Variants in LRBA observed in about 807,000 individuals in gnomAD.
LRBA encodes lipopolysaccharide-responsive and beige-like anchor protein.
Under a neutral mutation model 330.0 loss-of-function variants are expected in LRBA, and 176 were observed. That is an observed-to-expected ratio of 0.53 (90% CI 0.47 to 0.60). LRBA has a LOEUF of 0.60. Ranked by LOEUF, LRBA falls within the 20% of genes least tolerant of loss-of-function variation. The pLI is 0.00. For missense variants in LRBA, 3,259 were observed against 3,444.8 expected, an observed-to-expected ratio of 0.95 and a Z score of 1.35; for synonymous variants, 1,230 against 1,193.0, an observed-to-expected ratio of 1.03 and a Z score of -0.64.
chr4:150,980,981 C>CA (rs1220312189), intron 2 of LRBA, among the ~76,000 whole-genome samples: 4 of 151,596 alleles, frequency 2.6e-5, no homozygotes, highest in Non-Finnish European at 4.4e-5. Context: ...AAGAGGACAC[C>CA]AAAAAATGGA....
intron 36 of LRBA, among the ~76,000 whole-genome samples, chr4:150,705,664 T>G (rs1429611909): frequency 6.6e-6 from 1 of 151,982 alleles, no homozygotes; most frequent in Non-Finnish European, 1.5e-5. Flanking sequence ...TGGCATAATA[T>G]TGACATATGT....
chr4:150,649,960 A>G (rs1779557287), intron 37 of LRBA, among the ~76,000 whole-genome samples: 1 of 152,186 alleles, frequency 6.6e-6, no homozygotes, highest in South Asian at 2.1e-4. Flanking sequence ...CCAATAATAG[A>G]TAAGAGGTTG....
intron 2 of LRBA, among the ~76,000 whole-genome samples, chr4:150,974,409 G>C (rs1023258698): frequency 6.6e-6 from 1 of 152,174 alleles, no homozygotes; most frequent in South Asian, 2.1e-4. Context: ...ACACCATCAA[G>C]AGAAGAACAA....
intron 55 of LRBA, among the ~76,000 whole-genome samples, chr4:150,281,840 T>C (rs1035027126): frequency 6.6e-6 from 1 of 152,142 alleles, no homozygotes; most frequent in South Asian, 2.1e-4. Context: ...ACTTGTGGAG[T>C]CCTGTCCTGG....
At chr4:150,887,514 C>T (rs1456315876) in intron 17 of LRBA, among the ~76,000 whole-genome samples, 1 of 152,078 alleles carries the variant, frequency 6.6e-6, no homozygotes. Context: ...TGGCTCACGT[C>T]TGTAATCCCA....
At chr4:150,386,219 T>A (rs1743031864) in intron 47 of LRBA, among the ~76,000 whole-genome samples, 1 of 152,084 alleles carries the variant, frequency 6.6e-6, no homozygotes, top group Non-Finnish European at 1.5e-5. Flanking sequence ...CTCCGAAATG[T>A]TTAAAATGAA....
At chr4:150,694,479 T>C (rs1784445583) in intron 36 of LRBA, among the ~76,000 whole-genome samples, 1 of 19,962 alleles carries the variant, frequency 5.0e-5, no homozygotes, top group Non-Finnish European at 2.3e-4. Flanking sequence ...AAAAAAAAGC[T>C]ATCTACAGAA....
At chr4:150,339,217 C>A (rs373019130) in intron 48 of LRBA, among the ~76,000 whole-genome samples, 1 of 151,994 alleles carries the variant, frequency 6.6e-6, no homozygotes. Flanking sequence ...GATTAAATAA[C>A]ATATATAGAA....
chr4:150,304,839 G>A (rs1033793256), intron 52 of LRBA, among the ~76,000 whole-genome samples: 1 of 152,148 alleles, frequency 6.6e-6, no homozygotes, highest in Admixed American at 6.5e-5. Flanking sequence ...GCTGAAAGCA[G>A]TCTTATTAAT....
intron 40 of LRBA, among the ~76,000 whole-genome samples, chr4:150,577,094 C>T (rs1024677925): frequency 1.8e-4 from 28 of 151,844 alleles, no homozygotes; most frequent in African/African-American, 6.5e-4. Flanking sequence ...ATAATAATTA[C>T]AAGTAGCTTA....
At chr4:150,458,437 C>A (rs942481645) in intron 44 of LRBA, among the ~76,000 whole-genome samples, 23 of 151,686 alleles carry the variant, frequency 1.5e-4, no homozygotes, top group African/African-American at 5.6e-4. Context: ...GTCAGTGTAC[C>A]CATGAAAAAT....
chr4:150,590,645 A>C (rs985182140), intron 39 of LRBA, 68 bp downstream of exon 39: 1 of 1,457,146 alleles, frequency 6.9e-7, no homozygotes, highest in African/African-American at 1.4e-5. Context: ...TCACAGCTGA[A>C]AAAGTAAGTA....
At chr4:150,664,913 G>C (rs1204862856) in intron 37 of LRBA, among the ~76,000 whole-genome samples, 1 of 152,080 alleles carries the variant, frequency 6.6e-6, no homozygotes, top group East Asian at 1.9e-4. Flanking sequence ...AATTTTATGA[G>C]TTTTGACAAA....
At chr4:150,466,024 C>T (rs1281419275) in intron 44 of LRBA, among the ~76,000 whole-genome samples, 2 of 151,728 alleles carry the variant, frequency 1.3e-5, no homozygotes, top group Non-Finnish European at 1.5e-5. Context: ...AGAAAAGAGC[C>T]AACAGCAAAA....
At chr4:150,719,550 T>C (rs556766514) in intron 36 of LRBA, among the ~76,000 whole-genome samples, 115 of 152,050 alleles carry the variant, frequency 7.6e-4, no homozygotes, top group Non-Finnish European at 1.4e-3. Context: ...GAATGTACCA[T>C]AAATCACCAA....
At chr4:150,795,107 A>T (rs757104772) in intron 34 of LRBA, among the ~76,000 whole-genome samples, 10 of 152,114 alleles carry the variant, frequency 6.6e-5, no homozygotes, top group Non-Finnish European at 1.2e-4. Flanking sequence ...GTGTTATTGG[A>T]ATGTATGTCA....
At chr4:150,825,462 GT>G (rs1025025356) in intron 30 of LRBA, among the ~76,000 whole-genome samples, 11 of 152,098 alleles carry the variant, frequency 7.2e-5, no homozygotes, top group African/African-American at 2.7e-4. Context: ...CACCTCCCAG[GT>G]TCAAGCGATT....
At chr4:150,870,747 T>G (rs1753332473) in intron 19 of LRBA, 141 bp from the exon 20 acceptor site, 1 of 516,144 alleles carries the variant, frequency 1.9e-6, no homozygotes, top group East Asian at 3.0e-5. Flanking sequence ...AATATTGTCA[T>G]GCTAAATAAT....
intron 53 of LRBA, among the ~76,000 whole-genome samples, chr4:150,300,028 C>T (rs1011366328): frequency 3.9e-5 from 6 of 152,174 alleles, no homozygotes; most frequent in South Asian, 2.1e-4. Context: ...TTATAAAATC[C>T]GAACCAGCTT....
Sources: gnomAD v4.1 joint callset for allele counts (sites outside exome capture counted in the v4.1 genomes callset) on GRCh38, gnomAD v4.1.1 for gene constraint, MANE v1.5 for transcripts, NCBI Gene and HGNC (gene_info 2026-07-23, HGNC 2026-07-21) for gene names.